DPY19L1: variants seen among roughly 807,000 people sequenced by gnomAD.
DPY19L1 encodes the protein protein C-mannosyl-transferase DPY19L1.
Under a neutral mutation model 96.9 loss-of-function variants are expected in DPY19L1, and 35 were observed. That is an observed-to-expected ratio of 0.36 (90% CI 0.28 to 0.48). DPY19L1 has a LOEUF of 0.48. Ranked by LOEUF, DPY19L1 falls within the 20% of genes least tolerant of loss-of-function variation. DPY19L1 has a pLI of 0.99. For synonymous variants in DPY19L1, 205 were observed against 252.6 expected (o/e 0.81, Z 1.79); for missense variants, 521 against 777.9 (o/e 0.67, Z 3.93).
In DPY19L1 at chr7:35,010,563, T is replaced by A; in HGVS notation, c.671-2A>T. ...AAAAGCAAGCAGGATCTCCCAATCC[T>A]TTAAAAATAAACAAAACATATGTTC... On this transcript the variant is annotated splice_acceptor_variant, in intron 5 of 21. Transcript: ENST00000638088. LOFTEE classifies it high-confidence loss of function. 6.3e-7 allele frequency: 1 copy of A among 1,594,364 alleles called. No individual in the cohort carries two copies. Among genetic ancestry groups the A allele is most frequent in the Non-Finnish European group, 8.6e-7 (1 of 1,166,802 alleles).
At chr7:35,010,154 C>G (rs1002592104) in intron 6 of DPY19L1, among the ~76,000 whole-genome samples, 2 of 152,038 alleles carry the variant, frequency 1.3e-5, no homozygotes, top group African/African-American at 4.8e-5. Context: ...CGCTTGAACC[C>G]AGGAGGCGGA....
At chr7:34,994,057 G>C (rs1253399976) in intron 6 of DPY19L1, among the ~76,000 whole-genome samples, 1 of 152,088 alleles carries the variant, frequency 6.6e-6, no homozygotes, top group Non-Finnish European at 1.5e-5. Flanking sequence ...CAGTGAAACT[G>C]TCTCAAAAAA....
intron 7 of DPY19L1, among the ~76,000 whole-genome samples, chr7:34,980,839 C>T (rs328901): frequency 0.27 from 40,628 of 152,028 alleles, 5,599 homozygotes; most frequent in Non-Finnish European, 0.31. Context: ...TCGTACATTG[C>T]CAATGGGAGT....
chr7:34,976,334 T>C (rs926952447), intron 7 of DPY19L1, among the ~76,000 whole-genome samples: 4 of 152,164 alleles, frequency 2.6e-5, no homozygotes, highest in Admixed American at 2.6e-4. Context: ...GCAAGATAAC[T>C]AGAAATGGAG....
chr7:34,955,316 T>C lies in DPY19L1; in HGVS notation c.1231A>G (p.Ser411Gly). The change falls in exon 12 of 22, where the codon AGT becomes GGT. Residue 411 changes from serine (S) to glycine (G), a missense_variant. By Grantham distance (56) the Ser-to-Gly change is moderately conservative. Coordinates refer to ENST00000638088, the MANE Select transcript of DPY19L1 (RefSeq NM_001366673.1). ...HFLKINVSEL[S>G]LWVIQGCFWL... Reference sequence around the variant, plus strand: ...AATAGATTGATTCTCACCCATAAACTAAGTTCAGATACATTTATTTTCAGG... The same window carrying C: ...AATAGATTGATTCTCACCCATAAACCAAGTTCAGATACATTTATTTTCAGG... 1 of 1,603,006 alleles carries C rather than the reference T, an allele frequency of 6.2e-7. No homozygotes were observed. Among genetic ancestry groups the C allele is most frequent in the Non-Finnish European group, 8.5e-7 (1 of 1,172,506 alleles).
chr7:34,992,149 A>G (rs1785183352), intron 6 of DPY19L1, among the ~76,000 whole-genome samples: 2 of 152,200 alleles, frequency 1.3e-5, no homozygotes, highest in Admixed American at 1.3e-4. Flanking sequence ...CCCCTCGTGC[A>G]GACTCATGTG....
Position 34,966,908 on chromosome 7 carries a change from T to C in DPY19L1, c.1078A>G (p.Ile360Val). ...AAAATTATTACCATGTGTATATAAA[T>C]GATCTTCCGTAATTTACATATATCA... is the stretch of plus-strand genomic sequence containing the variant. ...YIDICKLRKI[I>V]YIHMISLALC... Residue 360 changes from isoleucine to valine, a missense_variant, in exon 10 of 22, where the codon ATT becomes GTT. Coordinates refer to ENST00000638088, the MANE Select transcript of DPY19L1 (RefSeq NM_001366673.1). 1 of 1,538,418 alleles carries C rather than the reference T, an allele frequency of 6.5e-7. No homozygotes were observed. Among genetic ancestry groups the C allele is most frequent in the Non-Finnish European group, 8.7e-7 (1 of 1,142,952 alleles).
At chr7:34,960,035 T>C (rs1010777872) in intron 10 of DPY19L1, among the ~76,000 whole-genome samples, 25 of 150,034 alleles carry the variant, frequency 1.7e-4, no homozygotes, top group Non-Finnish European at 3.3e-4. Context: ...TGTATTATGG[T>C]TATTTTCTAA....
At chr7:34,973,921 A>G (rs1459120828) in intron 7 of DPY19L1, among the ~76,000 whole-genome samples, 1 of 152,222 alleles carries the variant, frequency 6.6e-6, no homozygotes, top group African/African-American at 2.4e-5. Context: ...GCCAAATTTT[A>G]GAATATTTTG....
intron 21 of DPY19L1, 115 bp from the exon 22 acceptor site, chr7:34,931,844 GT>G (rs1783759270): frequency 7.2e-7 from 1 of 1,394,822 alleles, no homozygotes; most frequent in Non-Finnish European, 9.5e-7. Context: ...AATTACTTTA[GT>G]TTTTAAACAA....
Position 34,939,157 on chromosome 7 carries a change from C to G in DPY19L1, c.1964+119G>C, listed in dbSNP as rs1235615166. 3.6e-6 allele frequency: 3 copies of G among 841,050 alleles called. No homozygotes were observed. The East Asian group carries it at 8.5e-5, about 24-fold the overall frequency. 52.1% of individuals were successfully genotyped at this position (841,050 alleles called of 1,614,324 possible). A position where few individuals can be genotyped will look rare whatever the true frequency, so the allele number is the denominator to read the frequency against. Reference sequence around the variant, plus strand: ...TATTTCAGCTTTCTGCTCCCTGACTCGATAAGCCTCAGTTCATCATATCCT... The same window carrying G: ...TATTTCAGCTTTCTGCTCCCTGACTGGATAAGCCTCAGTTCATCATATCCT... On this transcript the variant is annotated intron_variant, in intron 20 of 21. Coordinates refer to ENST00000638088, the MANE Select transcript of DPY19L1 (RefSeq NM_001366673.1).
intron 21 of DPY19L1, among the ~76,000 whole-genome samples, chr7:34,934,393 G>A (rs1264727204): frequency 1.3e-5 from 2 of 152,168 alleles, no homozygotes; most frequent in African/African-American, 4.8e-5. Flanking sequence ...CCATCTCAGT[G>A]CATAAAGATC....
chr7:34,987,037 G>A (rs1297827419), intron 7 of DPY19L1, among the ~76,000 whole-genome samples: 3 of 151,646 alleles, frequency 2.0e-5, no homozygotes, highest in Admixed American at 6.6e-5. Context: ...CACAAAAAAA[G>A]AATTTCTAAC....
At chr7:34,955,838 A>C (rs1784367145) in intron 11 of DPY19L1, among the ~76,000 whole-genome samples, 1 of 152,186 alleles carries the variant, frequency 6.6e-6, no homozygotes, top group African/African-American at 2.4e-5. Flanking sequence ...GGGGAGCTAA[A>C]ACTACTTCAA....
intron 6 of DPY19L1, among the ~76,000 whole-genome samples, chr7:35,004,989 A>T (rs1240834225): frequency 6.6e-6 from 1 of 152,166 alleles, no homozygotes; most frequent in Admixed American, 6.5e-5. Flanking sequence ...TCTAGAATGG[A>T]ATCAAAGGCT....
intron 6 of DPY19L1, among the ~76,000 whole-genome samples, chr7:34,990,645 A>G (rs188802535): frequency 5.3e-5 from 8 of 152,284 alleles, no homozygotes; most frequent in African/African-American, 1.9e-4. Flanking sequence ...CTAACAATTA[A>G]CCTTCATTTG....
chr7:35,022,889 G>A (rs1164947539), intron 1 of DPY19L1, among the ~76,000 whole-genome samples: 4 of 152,296 alleles, frequency 2.6e-5, no homozygotes, highest in South Asian at 2.1e-4. Flanking sequence ...AGTGGGGCAC[G>A]GGTCCCAGGT....
At chr7:34,974,939 T>A (rs559875067) in intron 7 of DPY19L1, among the ~76,000 whole-genome samples, 10 of 152,190 alleles carry the variant, frequency 6.6e-5, no homozygotes, top group African/African-American at 2.4e-4. Flanking sequence ...CTATTCTAAT[T>A]GCCTTAGGTG....
At chr7:34,977,849 C>T (rs1188072637) in intron 7 of DPY19L1, among the ~76,000 whole-genome samples, 1 of 151,250 alleles carries the variant, frequency 6.6e-6, no homozygotes, top group Non-Finnish European at 1.5e-5. Context: ...TATGTTGTTT[C>T]TAAGTATAAG....
Sources: allele counts gnomAD v4.1 joint callset (sites outside exome capture counted in the v4.1 genomes callset), GRCh38; gene constraint gnomAD v4.1.1; transcripts MANE v1.5; gene names NCBI Gene and HGNC (gene_info 2026-07-23, HGNC 2026-07-21).